The following ATXN1 variants were observed in gnomAD, a reference collection of about 807,000 sequenced individuals.
The protein encoded by ATXN1 is ataxin-1.
ATXN1 carries 8 observed loss-of-function variants against 56.4 expected under a neutral mutation model. The observed-to-expected ratio is 0.14, with a 90% CI of 0.08 to 0.26. ATXN1 has a LOEUF of 0.26. Among genes scored for constraint, ATXN1 ranks in the 10% least tolerant of loss-of-function variants. The probability of loss-of-function intolerance (pLI) is 1.00; values close to 1 mark genes in which losing one functional copy is unlikely to be tolerated. For synonymous variants in ATXN1, 514 were observed against 494.6 expected, an observed-to-expected ratio of 1.04 and a Z score of -0.52; for missense variants, 987 against 1,106.5, an observed-to-expected ratio of 0.89 and a Z score of 1.53.
chr6:16,500,926 A>G (rs1303619584), intron 5 of ATXN1, among the ~76,000 whole-genome samples: 1 of 152,224 alleles, frequency 6.6e-6, no homozygotes, highest in Non-Finnish European at 1.5e-5. Flanking sequence ...ATTTCCACAT[A>G]ATATCATCTT....
At chr6:16,609,667 C>T (rs1032676524) in intron 3 of ATXN1, among the ~76,000 whole-genome samples, 1 of 152,138 alleles carries the variant, frequency 6.6e-6, no homozygotes, top group African/African-American at 2.4e-5. Flanking sequence ...ATTTCCAGGG[C>T]GGGCTAGCCC....
chr6:16,410,873 C>T lies in ATXN1; in HGVS notation c.-161+75099G>A, dbSNP rs1427737198. On this transcript the variant is annotated intron_variant, in intron 6 of 7. Coordinates refer to ENST00000436367, the MANE Select transcript of ATXN1 (RefSeq NM_001128164.2). This position sits in a 1 kb window ranked among gnomAD's most constrained non-coding sequence, Gnocchi z 4.6. ...GGCACAGTGGCTCACGCCTGTAATC[C>T]CAGCTCTTTGGGAGGCCAATGCAGG... 6.6e-6 allele frequency among the ~76,000 whole-genome samples: 1 copy of T among 151,996 alleles called. No individual in the cohort carries two copies. Among genetic ancestry groups the T allele is most frequent in the Non-Finnish European group, 1.5e-5 (1 of 67,998 alleles).
intron 6 of ATXN1, among the ~76,000 whole-genome samples, chr6:16,446,383 T>C (rs1052746716): frequency 6.6e-6 from 1 of 152,272 alleles, no homozygotes; most frequent in Admixed American, 6.5e-5. Flanking sequence ...AAAGTTCCTT[T>C]GGTAATTTGG....
intron 4 of ATXN1, among the ~76,000 whole-genome samples, chr6:16,544,124 G>A (rs1216374172): frequency 6.6e-6 from 1 of 152,140 alleles, no homozygotes; most frequent in Non-Finnish European, 1.5e-5. Context: ...GGGAGTTGGT[G>A]AATTTCTCAA....
chr6:16,329,636 C>G (rs1008567915), intron 6 of ATXN1, among the ~76,000 whole-genome samples: 6 of 152,284 alleles, frequency 3.9e-5, no homozygotes, highest in Non-Finnish European at 8.8e-5. Context: ...CTCTCTCTTC[C>G]TTTTCAAGTT....
chr6:16,623,937 T>A (rs1416443727), intron 3 of ATXN1, among the ~76,000 whole-genome samples: 6 of 152,272 alleles, frequency 3.9e-5, no homozygotes, highest in African/African-American at 1.2e-4. Flanking sequence ...TGATTCACCC[T>A]CTATGAGGTA....
At chr6:16,686,684 C>T (rs180724784) in intron 2 of ATXN1, among the ~76,000 whole-genome samples, 19 of 152,170 alleles carry the variant, frequency 1.2e-4, no homozygotes, top group East Asian at 1.9e-4. Flanking sequence ...AGCAAGAAAC[C>T]GTAAGAGCAT....
intron 3 of ATXN1, among the ~76,000 whole-genome samples, chr6:16,601,144 C>T (rs1762904064): frequency 2.6e-5 from 4 of 152,168 alleles, no homozygotes; most frequent in Admixed American, 2.0e-4. Context: ...TTTCCAAGAC[C>T]GGATCTAAGT....
At chr6:16,356,578 C>T (rs1442770503) in intron 6 of ATXN1, among the ~76,000 whole-genome samples, 1 of 152,154 alleles carries the variant, frequency 6.6e-6, no homozygotes, top group Non-Finnish European at 1.5e-5. Flanking sequence ...AATTACAATA[C>T]CTCAGTTTCT....
chr6:16,712,369 G>A (rs1034381367), intron 2 of ATXN1, among the ~76,000 whole-genome samples: 2 of 152,190 alleles, frequency 1.3e-5, no homozygotes, highest in Non-Finnish European at 2.9e-5. Context: ...ACATGCTTGA[G>A]TGAAAACAGC....
At chr6:16,386,035 G>A (rs777525955) in intron 6 of ATXN1, among the ~76,000 whole-genome samples, 9 of 152,150 alleles carry the variant, frequency 5.9e-5, no homozygotes, top group Non-Finnish European at 1.2e-4. Flanking sequence ...AAAATTTCTA[G>A]GTAGAGATAG....
At chr6:16,609,404 G>A (rs1235261187) in intron 3 of ATXN1, among the ~76,000 whole-genome samples, 1 of 152,242 alleles carries the variant, frequency 6.6e-6, no homozygotes, top group Non-Finnish European at 1.5e-5. Context: ...GGCTTGGAGT[G>A]AAGCTAGGGT....
chr6:16,472,541 C>T (rs1178188618), intron 6 of ATXN1, among the ~76,000 whole-genome samples: 4 of 152,230 alleles, frequency 2.6e-5, no homozygotes, highest in Non-Finnish European at 5.9e-5. Flanking sequence ...GCCATGTTTT[C>T]ATTTCCATTT....
At position 16,305,680 on chromosome 6, in the gene ATXN1, T is replaced by G. The variant is rs1760227182; in HGVS notation, c.*649A>C. On this transcript the variant is annotated 3_prime_UTR_variant, in exon 8 of 8. Coordinates refer to ENST00000436367, the MANE Select transcript of ATXN1 (RefSeq NM_001128164.2). ...CAGGCCCCATAGGGGGAAATATATA[T>G]CTATACAATTAAAAGTTGCTTTTAT... 6.5e-6 allele frequency: 1 copy of G among 152,776 alleles called. No homozygotes were observed. The highest frequency in any genetic ancestry group is 2.1e-4 in the South Asian group (1 of 4,840). The allele number at this position is 152,776 out of a possible 1,614,324, so 9.5% of individuals were successfully genotyped here. A position where few individuals can be genotyped will look rare whatever the true frequency, so the allele number is the denominator to read the frequency against.
chr6:16,429,377 T>TTAAAA (rs5874556), intron 6 of ATXN1, among the ~76,000 whole-genome samples: 6 of 133,206 alleles, frequency 4.5e-5, no homozygotes, highest in South Asian at 2.3e-4. Flanking sequence ...CTTTTAGCAT[T>TTAAAA]AAAAAAAAAA....
chr6:16,601,617 G>A (rs1418588364), intron 3 of ATXN1, among the ~76,000 whole-genome samples: 8 of 152,288 alleles, frequency 5.3e-5, no homozygotes, highest in African/African-American at 1.7e-4. Context: ...TAGTGAGGCC[G>A]AGGCGGGCGG....
At chr6:16,355,258 A>C (rs772351831) in intron 6 of ATXN1, among the ~76,000 whole-genome samples, 1 of 152,184 alleles carries the variant, frequency 6.6e-6, no homozygotes, top group Non-Finnish European at 1.5e-5. Flanking sequence ...GCACAAACTT[A>C]CATACAGAGC....
At chr6:16,658,893 A>T (rs1758260359) in intron 2 of ATXN1, among the ~76,000 whole-genome samples, 1 of 152,236 alleles carries the variant, frequency 6.6e-6, no homozygotes, top group South Asian at 2.1e-4. Flanking sequence ...CAAAGGTCCC[A>T]CGGTGATCAT....
chr6:16,674,074 T>C (rs182335521), intron 2 of ATXN1, among the ~76,000 whole-genome samples: 19 of 152,306 alleles, frequency 1.2e-4, no homozygotes, highest in African/African-American at 3.6e-4. Context: ...TATTCTTACA[T>C]TGCTGCTGGT....
Sources: allele counts gnomAD v4.1 joint callset (sites outside exome capture counted in the v4.1 genomes callset), GRCh38; gene constraint gnomAD v4.1.1; non-coding constraint Gnocchi (gnomAD v3.1); transcripts MANE v1.5; gene names NCBI Gene and HGNC (gene_info 2026-07-23, HGNC 2026-07-21).